The following MYO7B variants were observed in gnomAD, a reference collection of about 807,000 sequenced individuals.
The protein encoded by MYO7B is unconventional myosin-VIIb.
A neutral mutation model predicts 259.7 loss-of-function variants in MYO7B; 212 were observed. That is an observed-to-expected ratio of 0.82 (90% CI 0.73 to 0.91). The LOEUF (loss-of-function observed/expected upper bound fraction) is 0.91, where lower values mean the gene tolerates loss of function less well. Ranked by LOEUF, MYO7B falls within the 40% of genes least tolerant of loss-of-function variation. The pLI is 0.00. For missense variants in MYO7B, 2,732 were observed against 2,813.5 expected, an observed-to-expected ratio of 0.97 and a Z score of 0.66; for synonymous variants, 1,197 against 1,166.4, an observed-to-expected ratio of 1.03 and a Z score of -0.54.
Position 127,624,160 on chromosome 2 carries a change from A to G in MYO7B, c.3887A>G (p.Gln1296Arg). Residue 1296 changes from glutamine (Q) to arginine (R), a missense_variant, in exon 30 of 48, where the codon CAG becomes CGG. By Grantham distance (43) the Gln-to-Arg change is conservative. This residue lies in a region of MYO7B where 1,906 missense variants were observed against 2,026.4 expected (regional missense o/e 0.94). Transcript: ENST00000409816. ...DAIARCEQMA[Q>R]ERGESQRQSP... ...ATCGCCCGGTGTGAGCAGATGGCCC[A>G]GGAGAGGGGCGAGAGCCAGCGCCAG... 6.3e-7 allele frequency: 1 copy of G among 1,596,802 alleles called. No homozygotes were observed.
chr2:127,582,220 C>T (rs1679130620), intron 11 of MYO7B, 84 bp from the exon 12 acceptor site: 1 of 1,542,382 alleles, frequency 6.5e-7, no homozygotes, highest in Non-Finnish European at 8.8e-7. Context: ...AGGTCCAAGA[C>T]ATTCGGCCTC....
At chr2:127,608,369 A>G (rs908695882) in intron 21 of MYO7B, among the ~76,000 whole-genome samples, 3 of 152,118 alleles carry the variant, frequency 2.0e-5, no homozygotes, top group African/African-American at 7.2e-5. Flanking sequence ...GAATAAAGGG[A>G]CCAAGTGGTC....
At chr2:127,634,062 C>T in intron 40 of MYO7B, 114 bp from the exon 41 acceptor site, 4 of 815,198 alleles carry the variant, frequency 4.9e-6, no homozygotes, top group Non-Finnish European at 6.0e-6. Context: ...CAGGGCAGAC[C>T]ACATCCAACC....
intron 10 of MYO7B, among the ~76,000 whole-genome samples, chr2:127,581,584 A>C (rs567753878): frequency 6.6e-6 from 1 of 152,178 alleles, no homozygotes; most frequent in South Asian, 2.1e-4. Context: ...GGCGGGACTG[A>C]TTTCAGTCAG....
chr2:127,583,350 C>G (rs1389604991), intron 12 of MYO7B, among the ~76,000 whole-genome samples: 1 of 152,242 alleles, frequency 6.6e-6, no homozygotes, highest in Non-Finnish European at 1.5e-5. Flanking sequence ...GATCTCAGCC[C>G]TCCCAGGGCC....
In MYO7B at chr2:127,574,060, C is replaced by A. The variant is rs1251539579; in HGVS notation, c.733C>A (p.Gln245Lys). ...CCTGGAGAAGTCCCGGGTCTGCCGG[C>A]AGGTGAGGCCTCCCCCTTCCCAGGT... ...FLLEKSRVCRQAPEERNYHIF... is the reference protein window; with the variant it reads ...FLLEKSRVCRKAPEERNYHIF... The change falls in exon 7 of 48, where the codon CAG (glutamine) becomes AAG (lysine). Residue 245 changes from glutamine to lysine, a missense_variant and splice_region_variant. Physicochemically the swap from Gln to Lys is moderately conservative, Grantham distance 53. Around this residue, in one of 3 missense-constraint regions of MYO7B, gnomAD observed 1,906 missense variants for 2,026.4 expected, o/e 0.94. Transcript: ENST00000409816. 1 of 1,613,942 alleles carries A rather than the reference C, an allele frequency of 6.2e-7. No individual in the cohort carries two copies. Among genetic ancestry groups the A allele is most frequent in the South Asian group, 1.1e-5 (1 of 91,082 alleles).
At chr2:127,537,301 T>C (rs1692822059) in intron 1 of MYO7B, among the ~76,000 whole-genome samples, 1 of 152,256 alleles carries the variant, frequency 6.6e-6, no homozygotes, top group African/African-American at 2.4e-5. Flanking sequence ...TCCTGATTCT[T>C]GGAAGGTCAG....
intron 6 of MYO7B, among the ~76,000 whole-genome samples, chr2:127,572,935 C>CA (rs35705768): frequency 0.26 from 36,780 of 143,870 alleles, 4,653 homozygotes; most frequent in South Asian, 0.48. Flanking sequence ...CAGTTAGTAC[C>CA]AAAAAAAAAA....
intron 19 of MYO7B, among the ~76,000 whole-genome samples, chr2:127,599,284 T>A (rs1268739343): frequency 2.6e-5 from 4 of 152,222 alleles, no homozygotes; most frequent in Admixed American, 6.5e-5. Context: ...TTTTATTAGA[T>A]TTACATGTTT....
At position 127,623,192 on chromosome 2, in the gene MYO7B, C is replaced by T. The variant is rs1175221150; in HGVS notation, c.3646-10C>T. 1 of 1,613,208 alleles carries T rather than the reference C, an allele frequency of 6.2e-7. No individual in the cohort carries two copies. The highest frequency in any genetic ancestry group is 2.2e-5 in the East Asian group (1 of 44,874). On this transcript the variant is annotated splice_polypyrimidine_tract_variant and intron_variant, in intron 28 of 47. Coordinates refer to ENST00000409816, the MANE Select transcript of MYO7B (RefSeq NM_001393586.1). The stretch of plus-strand genomic sequence containing the variant: ...AAGAGGCCAGGGAACTGAATCTCAT[C>T]TGTCCCCAGGCTGTCAAGTCCAAGA...
In MYO7B at chr2:127,629,804, C is replaced by A; in HGVS notation, c.4784C>A (p.Thr1595Asn). 1 of 1,578,102 alleles carries A rather than the reference C, an allele frequency of 6.3e-7. No homozygotes were observed. Among genetic ancestry groups the A allele is most frequent in the South Asian group, 1.2e-5 (1 of 86,498 alleles). Residue 1595 changes from threonine (T) to asparagine (N), a missense_variant, in exon 35 of 48, where the codon ACT becomes AAT. Physicochemically the swap from Thr to Asn is moderately conservative, Grantham distance 65. Transcript: ENST00000409816. ...MACLYTIPTVTKPSAQLLSLL... is the reference protein window; with the variant it reads ...MACLYTIPTVNKPSAQLLSLL... ...TGCCTCTACACCATCCCCACGGTCACTAAGCCCTCGGCACAGCTGCTGGTA... is the reference window on the plus strand; with the variant it reads ...TGCCTCTACACCATCCCCACGGTCAATAAGCCCTCGGCACAGCTGCTGGTA...
In MYO7B at chr2:127,628,057, G is replaced by C; in HGVS notation, c.4461-315G>C. ...GGTGGCTCAGAGTAAGCACATGGCAGAGCCGGCAGCTCATCTCAGCTCTGA... is the reference window on the plus strand; with the variant it reads ...GGTGGCTCAGAGTAAGCACATGGCACAGCCGGCAGCTCATCTCAGCTCTGA... On this transcript the variant is annotated intron_variant, in intron 33 of 47. Transcript: ENST00000409816. This position sits in a 1 kb window ranked among gnomAD's most constrained non-coding sequence, Gnocchi z 4.8. The C allele has an allele frequency of 1.8e-6, 1 of 557,410 alleles. No homozygotes were observed. The highest frequency in any genetic ancestry group is 3.4e-6 in the Non-Finnish European group (1 of 292,544). The allele number at this position is 557,410 out of a possible 1,614,324, so 34.5% of individuals were successfully genotyped here.
chr2:127,542,826 T>C (rs1396626161), intron 1 of MYO7B, among the ~76,000 whole-genome samples: 1 of 152,100 alleles, frequency 6.6e-6, no homozygotes, highest in Non-Finnish European at 1.5e-5. Flanking sequence ...GGGGAGAAGG[T>C]AGGCAGGAAA....
intron 4 of MYO7B, among the ~76,000 whole-genome samples, chr2:127,566,045 A>G (rs1678326558): frequency 1.3e-5 from 2 of 152,210 alleles, no homozygotes; most frequent in South Asian, 4.1e-4. Context: ...TGTGCTTCCA[A>G]AGGGCTTTTG....
chr2:127,616,719 T>G (rs909908708), intron 26 of MYO7B, among the ~76,000 whole-genome samples: 1 of 152,214 alleles, frequency 6.6e-6, no homozygotes, highest in Non-Finnish European at 1.5e-5. Flanking sequence ...AGGGAATTAA[T>G]GTGCCTCCGG....
chr2:127,607,705 GC>G lies in MYO7B; in HGVS notation c.2643+282del, dbSNP rs1239756475. On this transcript the variant is annotated intron_variant, in intron 21 of 47. Coordinates refer to ENST00000409816, the MANE Select transcript of MYO7B (RefSeq NM_001393586.1). This position sits in a 1 kb window ranked among gnomAD's most constrained non-coding sequence, Gnocchi z 4.4. ...CCTATTCAAAGTCAGTTCTACAATG[GC>G]TCTGCAATGGCTGGGGAGCCGTGGC... Among the ~76,000 whole-genome samples, 4 of 152,214 alleles carry G rather than the reference GC, an allele frequency of 2.6e-5. No homozygotes were observed. The highest frequency in any genetic ancestry group is 4.4e-5 in the Non-Finnish European group (3 of 68,040).
intron 26 of MYO7B, among the ~76,000 whole-genome samples, chr2:127,618,542 C>T (rs2021406): frequency 0.71 from 108,165 of 152,156 alleles, 40,093 homozygotes; most frequent in African/African-American, 0.92. Context: ...CTCAGCATTC[C>T]TTCTGGGCGG....
chr2:127,573,319 G>A (rs1200773720), intron 6 of MYO7B, among the ~76,000 whole-genome samples: 1 of 152,178 alleles, frequency 6.6e-6, no homozygotes, highest in Non-Finnish European at 1.5e-5. Flanking sequence ...TGTGCAGGTG[G>A]ACATGTGTAT....
rs200386846 is a variant in MYO7B, at chr2:127,609,569, G to A, written c.2878G>A (p.Glu960Lys). The A allele has an allele frequency of 3.4e-4, 551 of 1,613,966 alleles. 3 individuals carry two copies. The African/African-American group carries it at 6.1e-3, about 18-fold the overall frequency. Residue 960 changes from glutamate to lysine, a missense_variant, in exon 23 of 48, where the codon GAG becomes AAG. This residue lies in a region of MYO7B where 1,906 missense variants were observed against 2,026.4 expected (regional missense o/e 0.94). Transcript: ENST00000409816. The surrounding 1 kb of genome is among the most constrained non-coding windows in gnomAD (Gnocchi z 6.9). ...CCTGGACACAGTCCCCATGGCGGAG[G>A]AGCCTGAGGAGGATGTGGATGGCCT... ...VDLDTVPMAE[E>K]PEEDVDGLAE...
Sources: gnomAD v4.1 joint callset for allele counts (sites outside exome capture counted in the v4.1 genomes callset) on GRCh38, gnomAD v4.1.1 for gene constraint, gnomAD v4.1.1 regional missense constraint, Gnocchi (gnomAD v3.1) non-coding constraint, MANE v1.5 for transcripts, NCBI Gene and HGNC (gene_info 2026-07-23, HGNC 2026-07-21) for gene names.